TOX2: variants seen among roughly 807,000 people sequenced by gnomAD.
The protein encoded by TOX2 is TOX high mobility group box family member 2.
TOX2 carries 15 observed loss-of-function variants against 47.4 expected under a neutral mutation model. That is an observed-to-expected ratio of 0.32 (90% CI 0.21 to 0.49). The LOEUF (loss-of-function observed/expected upper bound fraction) is 0.49. Among genes scored for constraint, TOX2 ranks in the 20% least tolerant of loss-of-function variants. TOX2 has a pLI of 0.99. For missense variants in TOX2, 622 were observed against 673.1 expected, an observed-to-expected ratio of 0.92 and a Z score of 0.84; for synonymous variants, 290 against 296.6, an observed-to-expected ratio of 0.98 and a Z score of 0.23.
intron 2 of TOX2, among the ~76,000 whole-genome samples, chr20:43,997,793 G>A (rs1487277542): frequency 6.6e-6 from 1 of 152,134 alleles, no homozygotes; most frequent in African/African-American, 2.4e-5. Context: ...AGTTTTGTCA[G>A]GTAGTGTTCT....
chr20:43,960,161 G>A (rs1256842816), intron 1 of TOX2, among the ~76,000 whole-genome samples: 1 of 152,240 alleles, frequency 6.6e-6, no homozygotes, highest in African/African-American at 2.4e-5. Context: ...TGTTGTTAGT[G>A]TGATGTAAAC....
chr20:43,979,817 C>T (rs1029556622), intron 2 of TOX2, among the ~76,000 whole-genome samples: 1 of 152,154 alleles, frequency 6.6e-6, no homozygotes, highest in Non-Finnish European at 1.5e-5. Context: ...CAAATCAAAA[C>T]TACAATGAAA....
intron 5 of TOX2, among the ~76,000 whole-genome samples, chr20:44,060,039 C>T (rs6124618): frequency 6.6e-6 from 1 of 152,118 alleles, no homozygotes; most frequent in Non-Finnish European, 1.5e-5. Flanking sequence ...CACACATAAC[C>T]TTTAGGTAAA....
intron 1 of TOX2, among the ~76,000 whole-genome samples, chr20:43,934,070 T>G (rs1600659737): frequency 7.8e-6 from 1 of 128,800 alleles, no homozygotes; most frequent in Non-Finnish European, 1.6e-5. Flanking sequence ...TGATGGAAGG[T>G]GAGGGTGGGG....
At chr20:44,052,309 C>T (rs576080336) in intron 4 of TOX2, among the ~76,000 whole-genome samples, 12 of 152,322 alleles carry the variant, frequency 7.9e-5, no homozygotes, top group South Asian at 6.2e-4. Flanking sequence ...ATCCACCTCC[C>T]GGTGAGAGAA....
At chr20:44,002,702 G>A (rs1055723876) in intron 2 of TOX2, among the ~76,000 whole-genome samples, 8 of 152,162 alleles carry the variant, frequency 5.3e-5, no homozygotes, top group Non-Finnish European at 1.2e-4. Flanking sequence ...TGAGGCCTCA[G>A]GAAGCTTTTA....
At chr20:44,037,547 C>CT (rs536736718) in intron 3 of TOX2, among the ~76,000 whole-genome samples, 192 of 152,290 alleles carry the variant, frequency 1.3e-3, no homozygotes, top group African/African-American at 4.2e-3. Flanking sequence ...AGGCAAATCA[C>CT]TTAACTCTCT....
chr20:43,924,894 C>T (rs1290533397), intron 1 of TOX2, among the ~76,000 whole-genome samples: 1 of 152,362 alleles, frequency 6.6e-6, no homozygotes, highest in East Asian at 1.9e-4. Context: ...AGCCCTGTGT[C>T]CCGGGGTGTC....
At chr20:43,951,710 T>TTTTTTTTTTTTTTTTTTA (rs2069574264) in intron 1 of TOX2, among the ~76,000 whole-genome samples, 1 of 113,282 alleles carries the variant, frequency 8.8e-6, no homozygotes, top group African/African-American at 3.3e-5. Context: ...TTATTATGTT[T>TTTTTTTTTTTTTTTTTTA]TTTTTTTTTT....
chr20:44,068,919 C>G lies in TOX2; in HGVS notation c.*233C>G, dbSNP rs1380113617. ...CTGCAGGAACCTTCCGCCCGCTGACCTGCTTGCTCCAGGGTAACTGTGGAC... is the reference window on the plus strand; with the variant it reads ...CTGCAGGAACCTTCCGCCCGCTGACGTGCTTGCTCCAGGGTAACTGTGGAC... On this transcript the variant is annotated 3_prime_UTR_variant, in exon 9 of 9. Transcript: ENST00000341197. The G allele has an allele frequency of 7.3e-6, 5 of 684,302 alleles. No individual in the cohort carries two copies. In the African/African-American group the frequency reaches 8.9e-5, roughly 12 times the overall value. 42.4% of individuals were successfully genotyped at this position (684,302 alleles called of 1,614,324 possible). A position where few individuals can be genotyped will look rare whatever the true frequency, so the allele number is the denominator to read the frequency against.
intron 1 of TOX2, among the ~76,000 whole-genome samples, chr20:43,947,170 T>C (rs542443167): frequency 8.6e-4 from 131 of 152,318 alleles, no homozygotes; most frequent in African/African-American, 2.9e-3. Flanking sequence ...TACTGGGGTC[T>C]GGGTTAGGCA....
chr20:43,940,187 G>C (rs2069383779), intron 1 of TOX2, among the ~76,000 whole-genome samples: 1 of 152,050 alleles, frequency 6.6e-6, no homozygotes, highest in Non-Finnish European at 1.5e-5. Context: ...GGACAGTGGG[G>C]CCGTGGAAGG....
intron 5 of TOX2, among the ~76,000 whole-genome samples, chr20:44,063,222 T>C (rs919675804): frequency 1.3e-5 from 2 of 152,044 alleles, no homozygotes; most frequent in Non-Finnish European, 2.9e-5. Flanking sequence ...GAGAAAATCT[T>C]CACAATCTAT....
intron 2 of TOX2, among the ~76,000 whole-genome samples, chr20:44,002,763 T>TGA (rs371116496): frequency 6.6e-6 from 1 of 151,290 alleles, no homozygotes; most frequent in Non-Finnish European, 1.5e-5. Context: ...GGCAGGAGAA[T>TGA]GAGAGAGAGA....
chr20:43,941,292 T>A (rs959712504), intron 1 of TOX2, among the ~76,000 whole-genome samples: 1 of 151,452 alleles, frequency 6.6e-6, no homozygotes, highest in African/African-American at 2.4e-5. Flanking sequence ...TGGTGCAGGG[T>A]GGCCATTTGG....
intron 1 of TOX2, among the ~76,000 whole-genome samples, chr20:43,949,316 G>A (rs1381455148): frequency 1.3e-5 from 2 of 152,188 alleles, no homozygotes; most frequent in African/African-American, 2.4e-5. Flanking sequence ...TTGTCACCGG[G>A]ATGACCGCAG....
intron 4 of TOX2, among the ~76,000 whole-genome samples, chr20:44,053,591 T>TAC (rs1226282082): frequency 1.7e-5 from 2 of 116,536 alleles, no homozygotes; most frequent in South Asian, 2.9e-4. Context: ...ATACTATATA[T>TAC]ACACACACAT....
intron 2 of TOX2, among the ~76,000 whole-genome samples, chr20:44,001,112 C>T (rs889087939): frequency 8.5e-5 from 13 of 152,124 alleles, no homozygotes; most frequent in East Asian, 3.9e-4. Flanking sequence ...AAAGCTCTTA[C>T]GACTTAGCAT....
chr20:43,998,790 C>T (rs1283278455), intron 2 of TOX2, among the ~76,000 whole-genome samples: 2 of 151,954 alleles, frequency 1.3e-5, no homozygotes, highest in African/African-American at 4.8e-5. Flanking sequence ...GATGGAGTCT[C>T]ATTCTGTTAC....
Sources: gnomAD v4.1 joint callset for allele counts (sites outside exome capture counted in the v4.1 genomes callset) on GRCh38, gnomAD v4.1.1 for gene constraint, MANE v1.5 for transcripts, NCBI Gene and HGNC (gene_info 2026-07-23, HGNC 2026-07-21) for gene names.